Variants in FMNL2 observed in about 807,000 individuals in gnomAD.
The protein encoded by FMNL2 is formin like 2.
Under a neutral mutation model 130.2 loss-of-function variants are expected in FMNL2, and 51 were observed. That is an observed-to-expected ratio of 0.39 (90% CI 0.31 to 0.49). FMNL2 has a LOEUF of 0.49. Ranked by LOEUF, FMNL2 falls within the 20% of genes least tolerant of loss-of-function variation. The pLI, the probability that FMNL2 is intolerant of heterozygous loss-of-function variation, is 0.85. For synonymous variants in FMNL2, 465 were observed against 467.1 expected (o/e 1.00, Z 0.06); for missense variants, 977 against 1,316.2 (o/e 0.74, Z 3.99).
Position 152,415,726 on chromosome 2 carries a change from G to A in FMNL2, c.117+80006G>A, listed in dbSNP as rs187983538. Among the ~76,000 whole-genome samples, 331 of 152,294 alleles carry A rather than the reference G, an allele frequency of 2.2e-3. 2 individuals are homozygous for A. The highest frequency in any genetic ancestry group is 7.7e-3 in the African/African-American group (322 of 41,568). ...AAGCCAGTTGTGGGCTCCATGCTAT[G>A]CCATAGAAGTCAGAGGAGAGATAGT... On this transcript the variant is annotated intron_variant, in intron 1 of 25. Transcript: ENST00000288670.
chr2:152,556,908 A>G (rs1416898843), intron 4 of FMNL2, among the ~76,000 whole-genome samples: 1 of 149,460 alleles, frequency 6.7e-6, no homozygotes, highest in African/African-American at 2.5e-5. Context: ...TATTTTTCAT[A>G]TTAAAAAGAC....
At chr2:152,384,559 C>G (rs1264261671) in intron 1 of FMNL2, among the ~76,000 whole-genome samples, 2 of 152,148 alleles carry the variant, frequency 1.3e-5, no homozygotes, top group African/African-American at 4.8e-5. Flanking sequence ...TTTCCCAGGA[C>G]AGAAGCAAAG....
intron 1 of FMNL2, among the ~76,000 whole-genome samples, chr2:152,403,470 A>G (rs573661226): frequency 1.3e-5 from 2 of 152,150 alleles, no homozygotes; most frequent in South Asian, 4.2e-4. Context: ...TTAGAATCTA[A>G]TACTGCTTTA....
chr2:152,626,060 C>T (rs772252838), intron 16 of FMNL2, among the ~76,000 whole-genome samples: 7 of 151,568 alleles, frequency 4.6e-5, no homozygotes, highest in South Asian at 2.1e-4. Context: ...TTTTTTGAGA[C>T]GGAGTCTCAC....
intron 9 of FMNL2, among the ~76,000 whole-genome samples, chr2:152,590,908 G>T (rs576748341): frequency 7.1e-5 from 10 of 141,502 alleles, no homozygotes; most frequent in African/African-American, 2.6e-4. Flanking sequence ...TGCTTGGACT[G>T]TTTGGTAAGT....
intron 1 of FMNL2, among the ~76,000 whole-genome samples, chr2:152,375,882 T>TATATA (rs2105877965): frequency 7.3e-6 from 1 of 136,392 alleles, no homozygotes; most frequent in South Asian, 2.4e-4. Context: ...TCTCTCTATA[T>TATATA]ATATATATAT....
At chr2:152,338,820 T>C (rs12991039) in intron 1 of FMNL2, among the ~76,000 whole-genome samples, 72,850 of 148,844 alleles carry the variant, frequency 0.49, 19,651 homozygotes, top group Non-Finnish European at 0.62. Flanking sequence ...GAAGGTGAGA[T>C]ACACACACAC....
intron 4 of FMNL2, among the ~76,000 whole-genome samples, chr2:152,549,733 C>G (rs760928151): frequency 6.6e-6 from 1 of 152,192 alleles, no homozygotes; most frequent in Non-Finnish European, 1.5e-5. Context: ...ATTATATTCT[C>G]CCTTACCCCT....
At chr2:152,571,860 G>A (rs908496690) in intron 6 of FMNL2, among the ~76,000 whole-genome samples, 24 of 151,038 alleles carry the variant, frequency 1.6e-4, no homozygotes, top group African/African-American at 4.4e-4. Flanking sequence ...TCATTTGAGC[G>A]GTTTGAATGT....
chr2:152,397,993 C>G (rs979258116), intron 1 of FMNL2, among the ~76,000 whole-genome samples: 2 of 152,126 alleles, frequency 1.3e-5, no homozygotes, highest in Non-Finnish European at 2.9e-5. Context: ...GGTGTGGTGG[C>G]AGGTGCCTGT....
In FMNL2 at chr2:152,589,066, G is replaced by A. The variant is rs148777091; in HGVS notation, c.876+8017G>A. 8.0e-3 allele frequency among the ~76,000 whole-genome samples: 1,175 copies of A among 146,932 alleles called. 14 individuals are homozygous for A. The highest frequency in any genetic ancestry group is 0.029 in the African/African-American group (1,130 of 39,274). On this transcript the variant is annotated intron_variant, in intron 9 of 25. Coordinates refer to ENST00000288670, the MANE Select transcript of FMNL2 (RefSeq NM_052905.4). ...GCTGCCGTATTCATTTACTTATCAC[G>A]TCTTCAGGACTGCCCTTTTTTGGTG... is the stretch of plus-strand genomic sequence containing the variant.
chr2:152,335,498 G>T lies in FMNL2; in HGVS notation c.-106G>T. On this transcript the variant is annotated 5_prime_UTR_variant, in exon 1 of 26. Coordinates refer to ENST00000288670, the MANE Select transcript of FMNL2 (RefSeq NM_052905.4). ...TGGGCGCGGCGGAGGGCGGGGAGCC[G>T]GGCAGGTCGCGCCTGCGGGCGGCAG... The T allele has an allele frequency of 2.7e-6, 2 of 741,764 alleles. No individual in the cohort carries two copies. Among genetic ancestry groups the T allele is most frequent in the East Asian group, 3.9e-5 (1 of 25,770 alleles). 45.9% of individuals were successfully genotyped at this position (741,764 alleles called of 1,614,324 possible). A position where few individuals can be genotyped will look rare whatever the true frequency, so the allele number is the denominator to read the frequency against.
Position 152,525,271 on chromosome 2 carries a change from A to C in FMNL2, c.201+3245A>C, listed in dbSNP as rs566862287. Among the ~76,000 whole-genome samples, 8 of 152,330 alleles carry C rather than the reference A, an allele frequency of 5.3e-5. No individual in the cohort carries two copies. In the East Asian group the frequency reaches 1.3e-3, roughly 26 times the overall value. On this transcript the variant is annotated intron_variant, in intron 2 of 25. Coordinates refer to ENST00000288670, the MANE Select transcript of FMNL2 (RefSeq NM_052905.4). ...CAAATGATTTAGGGGGTGCCTACAG[A>C]ACTTACAGGTTGTGGATTCATAACT... is the stretch of plus-strand genomic sequence containing the variant.
rs760574493 is a variant in FMNL2, at chr2:152,634,421, G to C, written c.2681-2006G>C. Reference sequence around the variant, plus strand: ...TCACTCCAGCCTGGGTGAAAAGAGCGAGACTCCGTCTCAAAAACAAACAAA... The same window carrying C: ...TCACTCCAGCCTGGGTGAAAAGAGCCAGACTCCGTCTCAAAAACAAACAAA... On this transcript the variant is annotated intron_variant, in intron 21 of 25. Coordinates refer to ENST00000288670, the MANE Select transcript of FMNL2 (RefSeq NM_052905.4). Among the ~76,000 whole-genome samples the C allele has an allele frequency of 7.2e-5, 11 of 152,214 alleles. 1 individual carries two copies. Among genetic ancestry groups the C allele is most frequent in the Non-Finnish European group, 1.0e-4 (7 of 68,038 alleles).
At chr2:152,513,419 A>C (rs1410605543) in intron 1 of FMNL2, among the ~76,000 whole-genome samples, 4 of 152,208 alleles carry the variant, frequency 2.6e-5, no homozygotes, top group Non-Finnish European at 1.5e-5. Flanking sequence ...ATCCTGCCTA[A>C]CTGAAACTTG....
intron 5 of FMNL2, 31 bp from the exon 6 acceptor site, chr2:152,560,852 A>G (rs1695480498): frequency 5.0e-6 from 8 of 1,585,142 alleles, no homozygotes; most frequent in Non-Finnish European, 6.9e-6. Flanking sequence ...TGAATTTTTC[A>G]GTCTTCAATG....
rs750912407 is a variant in FMNL2, at chr2:152,637,569, A to T, written c.2845-4A>T. ...AAACTCAAGAAAAATTTGCTTCTTC[A>T]CAGGATGCCTTTGATGATGTTGTGA... is the stretch of plus-strand genomic sequence containing the variant. On this transcript the variant is annotated splice_polypyrimidine_tract_variant and splice_region_variant and intron_variant, in intron 22 of 25. Coordinates refer to ENST00000288670, the MANE Select transcript of FMNL2 (RefSeq NM_052905.4). The T allele has an allele frequency of 1.9e-6, 3 of 1,613,880 alleles. No individual in the cohort carries two copies. Among genetic ancestry groups the T allele is most frequent in the Non-Finnish European group, 2.5e-6 (3 of 1,179,770 alleles).
chr2:152,586,035 C>T (rs1697055980), intron 9 of FMNL2, among the ~76,000 whole-genome samples: 2 of 152,026 alleles, frequency 1.3e-5, no homozygotes, highest in African/African-American at 4.8e-5. Context: ...CCTCTGAGGG[C>T]TTTGAGGCAC....
intron 1 of FMNL2, among the ~76,000 whole-genome samples, chr2:152,341,320 A>G (rs907461324): frequency 6.6e-6 from 1 of 152,206 alleles, no homozygotes; most frequent in East Asian, 1.9e-4. Context: ...TTTTCCTCCT[A>G]ATAATACCAG....
Sources: allele counts gnomAD v4.1 joint callset (sites outside exome capture counted in the v4.1 genomes callset), GRCh38; gene constraint gnomAD v4.1.1; transcripts MANE v1.5; gene names NCBI Gene and HGNC (gene_info 2026-07-23, HGNC 2026-07-21).